Variants in GLRA3 observed in about 807,000 individuals in gnomAD.
The protein encoded by GLRA3 is glycine receptor alpha 3.
A neutral mutation model predicts 60.4 loss-of-function variants in GLRA3; 44 were observed. The observed-to-expected ratio is 0.73, with a 90% CI of 0.57 to 0.94. The LOEUF (loss-of-function observed/expected upper bound fraction) is 0.94, where lower values mean the gene tolerates loss of function less well. GLRA3 is among the 40% of genes least tolerant of loss of function. GLRA3 has a pLI of 0.00. For synonymous variants in GLRA3, 223 were observed against 192.9 expected (o/e 1.16, Z -1.29); for missense variants, 508 against 564.6 (o/e 0.90, Z 1.02).
At chr4:174,718,391 G>A (rs1218163635) in intron 4 of GLRA3, among the ~76,000 whole-genome samples, 1 of 152,198 alleles carries the variant, frequency 6.6e-6, no homozygotes, top group Non-Finnish European at 1.5e-5. Context: ...TACATAAACA[G>A]GATATGGCGT....
Position 174,828,886 on chromosome 4 carries a change from T to C in GLRA3, c.-75A>G, listed in dbSNP as rs535546651. 3 of 1,023,464 alleles carry C rather than the reference T, an allele frequency of 2.9e-6. No individual in the cohort carries two copies. In the South Asian group the frequency reaches 3.8e-5, roughly 13 times the overall value. The allele number at this position is 1,023,464 out of a possible 1,614,324, so 63.4% of individuals were successfully genotyped here. A position where few individuals can be genotyped will look rare whatever the true frequency, so the allele number is the denominator to read the frequency against. ...GGGAACCAGAAAGACAGAATGAAAA[T>C]GTACAATCTAACCCCGCATGGTGTT... On this transcript the variant is annotated 5_prime_UTR_variant, in exon 1 of 10. Transcript: ENST00000274093.
intron 4 of GLRA3, among the ~76,000 whole-genome samples, chr4:174,716,321 A>C (rs1735917140): frequency 6.6e-6 from 1 of 152,220 alleles, no homozygotes; most frequent in East Asian, 1.9e-4. Context: ...AGGATAACCT[A>C]GATGCTGTAT....
At chr4:174,825,795 C>T (rs1740941673) in intron 1 of GLRA3, among the ~76,000 whole-genome samples, 1 of 151,848 alleles carries the variant, frequency 6.6e-6, no homozygotes, top group African/African-American at 2.4e-5. Context: ...CTTAATAATG[C>T]TTATTTACTA....
At chr4:174,757,058 C>T (rs993821225) in intron 3 of GLRA3, among the ~76,000 whole-genome samples, 2 of 151,998 alleles carry the variant, frequency 1.3e-5, no homozygotes, top group African/African-American at 4.8e-5. Context: ...GAGTTCTGAA[C>T]CAGTGCAATA....
intron 1 of GLRA3, among the ~76,000 whole-genome samples, chr4:174,797,145 G>A (rs575196609): frequency 6.1e-4 from 93 of 152,212 alleles, no homozygotes; most frequent in African/African-American, 2.1e-3. Flanking sequence ...GGTAGGAAGA[G>A]GCAGTGAAAA....
intron 4 of GLRA3, among the ~76,000 whole-genome samples, chr4:174,719,786 C>T (rs1051500625): frequency 3.9e-5 from 6 of 152,168 alleles, no homozygotes; most frequent in South Asian, 2.1e-4. Context: ...AGCTATGGAC[C>T]GCTTAAGAAA....
chr4:174,742,631 T>C (rs1474515307), intron 3 of GLRA3, among the ~76,000 whole-genome samples: 3 of 152,110 alleles, frequency 2.0e-5, no homozygotes, highest in South Asian at 2.1e-4. Flanking sequence ...AAAAAGAAGA[T>C]AGATGGAAAT....
chr4:174,788,590 T>TAAAAAAAAAAAAAAAA (rs35640897), intron 2 of GLRA3, among the ~76,000 whole-genome samples: 1 of 87,872 alleles, frequency 1.1e-5, no homozygotes, highest in Non-Finnish European at 2.2e-5. Context: ...GTTAGAGAAG[T>TAAAAAAAAAAAAAAAA]AAAAAAAAAA....
At chr4:174,671,034 T>A (rs1326577873) in intron 7 of GLRA3, among the ~76,000 whole-genome samples, 1 of 152,054 alleles carries the variant, frequency 6.6e-6, no homozygotes, top group Non-Finnish European at 1.5e-5. Flanking sequence ...TTAATGTATA[T>A]GGAATCATAT....
rs181792808 is a variant in GLRA3 at position 174,718,590 on chromosome 4, T to G, written c.492-3020A>C. ...AACCACTAGTTGAATTAAAAAATGTTTGCTGACTCTATTATAGACTTTGTA... is the reference window on the plus strand; with the variant it reads ...AACCACTAGTTGAATTAAAAAATGTGTGCTGACTCTATTATAGACTTTGTA... On this transcript the variant is annotated intron_variant, in intron 4 of 9. Coordinates refer to ENST00000274093, the MANE Select transcript of GLRA3 (RefSeq NM_006529.4). Among the ~76,000 whole-genome samples the G allele has an allele frequency of 1.7e-3, 257 of 152,338 alleles. 2 individuals carry two copies. The highest frequency in any genetic ancestry group is 5.7e-3 in the African/African-American group (236 of 41,570).
At chr4:174,665,146 T>A (rs1733611232) in intron 7 of GLRA3, among the ~76,000 whole-genome samples, 1 of 152,096 alleles carries the variant, frequency 6.6e-6, no homozygotes, top group African/African-American at 2.4e-5. Flanking sequence ...CTTAATTGCT[T>A]ATTATGTAGT....
intron 1 of GLRA3, among the ~76,000 whole-genome samples, chr4:174,793,226 ACTT>A (rs1739427239): frequency 6.6e-6 from 1 of 151,736 alleles, no homozygotes; most frequent in East Asian, 1.9e-4. Flanking sequence ...GCCTTCCTAG[ACTT>A]CTTTTTATAT....
intron 5 of GLRA3, among the ~76,000 whole-genome samples, chr4:174,701,343 T>C (rs28776253): frequency 0.31 from 47,407 of 152,022 alleles, 7,541 homozygotes; most frequent in African/African-American, 0.35. Context: ...CTGAATACTT[T>C]AAGCCCACAG....
intron 1 of GLRA3, among the ~76,000 whole-genome samples, chr4:174,805,941 G>A (rs768898559): frequency 4.9e-4 from 75 of 152,168 alleles, no homozygotes; most frequent in Middle Eastern, 6.8e-3. Flanking sequence ...CCCTTGATTT[G>A]ATTTAGAGTA....
chr4:174,800,123 A>T (rs985565743), intron 1 of GLRA3, among the ~76,000 whole-genome samples: 16 of 152,132 alleles, frequency 1.1e-4, no homozygotes, highest in African/African-American at 3.9e-4. Context: ...AAAGAGAATT[A>T]CTTGTTCGGA....
chr4:174,680,446 G>A (rs535313809), intron 6 of GLRA3, among the ~76,000 whole-genome samples: 3 of 152,262 alleles, frequency 2.0e-5, no homozygotes, highest in Middle Eastern at 3.4e-3. Flanking sequence ...GAATTTGGGC[G>A]TTTAACACAT....
At chr4:174,707,524 G>C (rs781064760) in intron 5 of GLRA3, among the ~76,000 whole-genome samples, 8 of 151,990 alleles carry the variant, frequency 5.3e-5, no homozygotes, top group East Asian at 3.9e-4. Flanking sequence ...ACTGTCACGG[G>C]GGGGAAGCCC....
intron 1 of GLRA3, among the ~76,000 whole-genome samples, chr4:174,811,185 GTTT>G (rs76452779): frequency 2.6e-5 from 3 of 113,944 alleles, no homozygotes; most frequent in Non-Finnish European, 3.7e-5. Context: ...TTCCCCGCCT[GTTT>G]TTTTTTTTTT....
rs145471983 is a variant in GLRA3, at chr4:174,817,558, T to C, written c.71+11183A>G. Among the ~76,000 whole-genome samples, 441 of 152,306 alleles carry C rather than the reference T, an allele frequency of 2.9e-3. 5 individuals are homozygous for C. Among genetic ancestry groups the C allele is most frequent in the African/African-American group, 0.01 (419 of 41,564 alleles). Reference sequence around the variant, plus strand: ...GCCGTTCAACAGCCCTCACTTCTACTATACAATGAATTTTAGAAACAAAGA... The same window carrying C: ...GCCGTTCAACAGCCCTCACTTCTACCATACAATGAATTTTAGAAACAAAGA... On this transcript the variant is annotated intron_variant, in intron 1 of 9. Coordinates refer to ENST00000274093, the MANE Select transcript of GLRA3 (RefSeq NM_006529.4).
Sources: gnomAD v4.1 joint callset for allele counts (sites outside exome capture counted in the v4.1 genomes callset) on GRCh38, gnomAD v4.1.1 for gene constraint, MANE v1.5 for transcripts, NCBI Gene and HGNC (gene_info 2026-07-23, HGNC 2026-07-21) for gene names.